Variants in CDH12 observed in about 807,000 individuals in gnomAD.
CDH12 encodes cadherin-12.
A neutral mutation model predicts 74.1 loss-of-function variants in CDH12; 41 were observed. The observed-to-expected ratio is 0.55, with a 90% CI of 0.43 to 0.72. The LOEUF (loss-of-function observed/expected upper bound fraction) is 0.72, where lower values mean the gene tolerates loss of function less well. CDH12 is among the 30% of genes least tolerant of loss of function. The pLI is 0.00. For synonymous variants in CDH12, 399 were observed against 355.0 expected, an observed-to-expected ratio of 1.12 and a Z score of -1.39; for missense variants, 945 against 977.2, an observed-to-expected ratio of 0.97 and a Z score of 0.44.
At chr5:22,212,240 GGT>G (rs1400858348) in intron 4 of CDH12, 1 of 152,200 alleles carries the variant, frequency 6.6e-6, no homozygotes, top group East Asian at 1.9e-4. Flanking sequence ...TTATTAAAAA[GGT>G]AAAATGAGAA....
intron 5 of CDH12, among the ~76,000 whole-genome samples, chr5:22,009,365 G>A (rs1373945848): frequency 6.6e-6 from 1 of 152,096 alleles, no homozygotes; most frequent in Non-Finnish European, 1.5e-5. Flanking sequence ...CTTCCTGCAC[G>A]TCCTACTTCC....
At chr5:22,604,804 G>A (rs138290461) in intron 1 of CDH12, among the ~76,000 whole-genome samples, 253 of 152,200 alleles carry the variant, frequency 1.7e-3, no homozygotes, top group Middle Eastern at 6.8e-3. Flanking sequence ...CACACTTTGG[G>A]CTCTCACTTG....
intron 3 of CDH12, among the ~76,000 whole-genome samples, chr5:22,283,312 T>C (rs1403007053): frequency 6.7e-6 from 1 of 148,676 alleles, no homozygotes; most frequent in African/African-American, 2.5e-5. Context: ...TACATATATA[T>C]ACACACACAG....
chr5:22,644,926 C>G (rs1739359058), intron 1 of CDH12, among the ~76,000 whole-genome samples: 1 of 152,116 alleles, frequency 6.6e-6, no homozygotes, highest in African/African-American at 2.4e-5. Flanking sequence ...GATGACAGCT[C>G]ATCTGTTTAC....
In CDH12 at chr5:22,645,965, A is replaced by T. The variant is rs1160407486; in HGVS notation, c.-522-140601T>A. Among the ~76,000 whole-genome samples the T allele has an allele frequency of 2.0e-5, 3 of 151,958 alleles. No homozygotes were observed. The East Asian group carries it at 5.8e-4, about 29-fold the overall frequency. On this transcript the variant is annotated intron_variant, in intron 1 of 14. Transcript: ENST00000382254. ...ATTTTATCTGTGGGAAACAAAAAGG[A>T]TTTTTTTGTGCTCACCTTATTGGGA...
At chr5:22,616,489 T>A (rs1226664326) in intron 1 of CDH12, among the ~76,000 whole-genome samples, 2 of 152,088 alleles carry the variant, frequency 1.3e-5, no homozygotes, top group Non-Finnish European at 2.9e-5. Flanking sequence ...CAGCAAACAT[T>A]TGGAAATTAT....
chr5:22,735,587 ATG>A (rs1032366737), intron 1 of CDH12, among the ~76,000 whole-genome samples: 29 of 152,084 alleles, frequency 1.9e-4, no homozygotes, highest in African/African-American at 5.8e-4. Context: ...TTTTCTATAC[ATG>A]TGTGTGCACA....
At chr5:22,033,699 A>C (rs1391926125) in intron 5 of CDH12, among the ~76,000 whole-genome samples, 2 of 152,186 alleles carry the variant, frequency 1.3e-5, no homozygotes, top group African/African-American at 2.4e-5. Flanking sequence ...TTGAGTGAGA[A>C]GAAGAAAACA....
chr5:22,021,834 A>G (rs1236557802), intron 5 of CDH12, among the ~76,000 whole-genome samples: 1 of 152,126 alleles, frequency 6.6e-6, no homozygotes, highest in Non-Finnish European at 1.5e-5. Flanking sequence ...GTGGCTGTCC[A>G]CATTATTTAT....
chr5:22,384,178 A>C (rs990009809), intron 3 of CDH12, among the ~76,000 whole-genome samples: 2 of 152,096 alleles, frequency 1.3e-5, no homozygotes, highest in South Asian at 2.1e-4. Flanking sequence ...TACTATATGC[A>C]TACTGTAGTG....
intron 14 of CDH12, among the ~76,000 whole-genome samples, chr5:21,755,114 C>G (rs535030473): frequency 1.6e-4 from 24 of 152,262 alleles, no homozygotes; most frequent in African/African-American, 5.8e-4. Context: ...CTGTTTCTTT[C>G]TGTTCGCTCT....
intron 1 of CDH12, among the ~76,000 whole-genome samples, chr5:22,720,387 C>G (rs1743818395): frequency 6.6e-6 from 1 of 152,108 alleles, no homozygotes; most frequent in Non-Finnish European, 1.5e-5. Flanking sequence ...TGATGCCTCC[C>G]CATCCCTGCA....
chr5:22,543,621 G>T lies in CDH12; in HGVS notation c.-522-38257C>A, dbSNP rs189638919. Among the ~76,000 whole-genome samples, 197 of 152,158 alleles carry T rather than the reference G, an allele frequency of 1.3e-3. 3 individuals carry two copies. The highest frequency in any genetic ancestry group is 4.4e-3 in the African/African-American group (184 of 41,518). On this transcript the variant is annotated intron_variant, in intron 1 of 14. Coordinates refer to ENST00000382254, the MANE Select transcript of CDH12 (RefSeq NM_004061.5). ...TTCATTTCTGAGAACCTACAGTCTA[G>T]AAAGAAAATTAGTAAAAAAAAGGCA...
At chr5:22,238,334 T>C (rs1361463260) in intron 3 of CDH12, among the ~76,000 whole-genome samples, 1 of 152,196 alleles carries the variant, frequency 6.6e-6, no homozygotes, top group Non-Finnish European at 1.5e-5. Context: ...GGAGTATTGG[T>C]CAATCTATCT....
chr5:22,153,870 A>ATATT (rs754788253), intron 4 of CDH12, among the ~76,000 whole-genome samples: 21 of 84,006 alleles, frequency 2.5e-4, no homozygotes, highest in Admixed American at 1.4e-3. Flanking sequence ...ATATATATAT[A>ATATT]TGTATATATA....
chr5:22,109,402 G>T lies in CDH12; in HGVS notation c.-186-30540C>A, dbSNP rs1047026107. ...CTCTGCTGTAATGCAACTACTGCAT[G>T]TGCAGGTATCACTTGGTCTTTTTCA... On this transcript the variant is annotated intron_variant, in intron 4 of 14. Transcript: ENST00000382254. Among the ~76,000 whole-genome samples the T allele has an allele frequency of 3.3e-5, 5 of 152,320 alleles. No homozygotes were observed. In the East Asian group the frequency reaches 9.7e-4, roughly 29 times the overall value.
At chr5:22,605,623 C>G (rs539174659) in intron 1 of CDH12, among the ~76,000 whole-genome samples, 1 of 152,206 alleles carries the variant, frequency 6.6e-6, no homozygotes, top group Non-Finnish European at 1.5e-5. Flanking sequence ...CTGCTGACCT[C>G]AGGTGCATCC....
chr5:22,802,250 T>C (rs1748569908), intron 1 of CDH12, among the ~76,000 whole-genome samples: 1 of 150,630 alleles, frequency 6.6e-6, no homozygotes, highest in Non-Finnish European at 1.5e-5. Flanking sequence ...GCCTCCCGAG[T>C]AGCTGGGACT....
At chr5:22,844,070 G>A (rs1737195823) in intron 1 of CDH12, among the ~76,000 whole-genome samples, 1 of 151,924 alleles carries the variant, frequency 6.6e-6, no homozygotes, top group South Asian at 2.1e-4. Flanking sequence ...CCTTCATCAA[G>A]ATAAAAAAGA....
Sources: allele counts gnomAD v4.1 joint callset (sites outside exome capture counted in the v4.1 genomes callset), GRCh38; gene constraint gnomAD v4.1.1; transcripts MANE v1.5; gene names NCBI Gene and HGNC (gene_info 2026-07-23, HGNC 2026-07-21).